Variants in KCNAB2 observed in about 807,000 individuals in gnomAD.
The protein encoded by KCNAB2 is potassium voltage-gated channel subfamily A regulatory beta subunit 2.
KCNAB2 carries 29 observed loss-of-function variants against 63.6 expected under a neutral mutation model. The observed-to-expected ratio is 0.46, with a 90% CI of 0.34 to 0.62. KCNAB2 has a LOEUF of 0.62. Among genes scored for constraint, KCNAB2 ranks in the 20% least tolerant of loss-of-function variants. KCNAB2 has a pLI of 0.01. For missense variants in KCNAB2, 359 were observed against 563.9 expected (o/e 0.64, Z 3.68); for synonymous variants, 222 against 224.2 (o/e 0.99, Z 0.09).
At chr1:6,005,008 A>G (rs59591178) in intron 1 of KCNAB2, among the ~76,000 whole-genome samples, 747 of 66,524 alleles carry the variant, frequency 0.011, 6 homozygotes, top group African/African-American at 0.043. Flanking sequence ...GAGCTGAGCT[A>G]AGGGGTGAGG....
upstream of KCNAB2, among the ~76,000 whole-genome samples, chr1:6,040,894 T>C (rs984126579): frequency 6.6e-6 from 1 of 152,254 alleles, no homozygotes; most frequent in African/African-American, 2.4e-5. Flanking sequence ...CAGAGTAGAC[T>C]CCTTTCTTGT....
chr1:6,019,000 G>A (rs1399542901), intron 1 of KCNAB2, among the ~76,000 whole-genome samples: 1 of 152,198 alleles, frequency 6.6e-6, no homozygotes, highest in African/African-American at 2.4e-5. Context: ...GTTTAAAACT[G>A]TAAAAATTGG....
chr1:6,072,806 TG>T lies in KCNAB2; in HGVS notation c.262+13del. On this transcript the variant is annotated intron_variant, in intron 3 of 15. Transcript: ENST00000378083. ...TCTCCTGCCTGGGACTTGGTGAGTG[TG>T]GGGGTCCCCTCCGTCCCACCAGGGA... The T allele has an allele frequency of 1.9e-6, 3 of 1,613,464 alleles. 1 individual carries two copies. The highest frequency in any genetic ancestry group is 2.2e-5 in the South Asian group (2 of 91,042).
At chr1:6,088,144 CA>C (rs753533376) in intron 7 of KCNAB2, among the ~76,000 whole-genome samples, 1 of 152,050 alleles carries the variant, frequency 6.6e-6, no homozygotes, top group East Asian at 1.9e-4. Context: ...ACTGTAGCTT[CA>C]AACTCCTGGG....
intron 1 of KCNAB2, among the ~76,000 whole-genome samples, chr1:6,017,631 A>G (rs1166273296): frequency 1.2e-4 from 18 of 152,068 alleles, no homozygotes; most frequent in Admixed American, 1.2e-3. Flanking sequence ...CCATTGTAAA[A>G]AATACAAAAA....
intron 2 of KCNAB2, among the ~76,000 whole-genome samples, chr1:6,057,577 T>C (rs922557679): frequency 2.0e-5 from 3 of 152,200 alleles, no homozygotes; most frequent in Non-Finnish European, 4.4e-5. Context: ...GATCCTGTTT[T>C]ACTTTCCTGA....
At chr1:6,061,728 A>G (rs181041351) in intron 2 of KCNAB2, among the ~76,000 whole-genome samples, 1 of 152,356 alleles carries the variant, frequency 6.6e-6, no homozygotes, top group Admixed American at 6.5e-5. Flanking sequence ...AACGGAATAT[A>G]ATGTGCATAA....
intron 1 of KCNAB2, among the ~76,000 whole-genome samples, chr1:6,037,065 A>G (rs777870123): frequency 5.3e-5 from 8 of 151,912 alleles, no homozygotes; most frequent in African/African-American, 7.3e-5. Flanking sequence ...GCCTGCTTAG[A>G]CTCCTGGCCC....
rs549273048 is a variant in KCNAB2 at position 6,037,674 on chromosome 1, T to A, written c.-52-2843T>A. On this transcript the variant is annotated intron_variant, in intron 1 of 15. Coordinates refer to the KCNAB2 transcript ENST00000164247. Reference sequence around the variant, plus strand: ...TTTTTTAACGACTTTAGTGAGATGATTTGATTTCCTGCCTCTGAGTCATCT... The same window carrying A: ...TTTTTTAACGACTTTAGTGAGATGAATTGATTTCCTGCCTCTGAGTCATCT... 2.5e-4 allele frequency among the ~76,000 whole-genome samples: 38 copies of A among 152,276 alleles called. No individual in the cohort carries two copies. The South Asian group carries it at 7.7e-3, about 31-fold the overall frequency.
chr1:6,024,217 C>T lies in KCNAB2; in HGVS notation c.-52-16300C>T, dbSNP rs1280385150. 1.3e-5 allele frequency among the ~76,000 whole-genome samples: 2 copies of T among 152,124 alleles called. No individual in the cohort carries two copies. The highest frequency in any genetic ancestry group is 6.5e-5 in the Admixed American group (1 of 15,274). ...TCGGCCTCCCAAAGTTCTGGGATTACAGGCGTGAGACACCATGCCCAGCTG... is the reference window on the plus strand; with the variant it reads ...TCGGCCTCCCAAAGTTCTGGGATTATAGGCGTGAGACACCATGCCCAGCTG... On this transcript the variant is annotated intron_variant, in intron 1 of 16. Transcript: ENST00000341524. The surrounding 1 kb of genome is among the most constrained non-coding windows in gnomAD (Gnocchi z 5.4).
At chr1:6,017,480 G>C (rs1193632074) in intron 1 of KCNAB2, among the ~76,000 whole-genome samples, 3 of 151,828 alleles carry the variant, frequency 2.0e-5, no homozygotes, top group African/African-American at 7.3e-5. Context: ...TGCTGGGCTG[G>C]TCTAGAATTC....
At chr1:6,044,943 C>T (rs937289856), upstream of KCNAB2, among the ~76,000 whole-genome samples, 5 of 152,142 alleles carry the variant, frequency 3.3e-5, no homozygotes, top group Non-Finnish European at 5.9e-5. Flanking sequence ...GGGCCTCATT[C>T]GGAGCATGTT....
chr1:6,081,171 C>T (rs1664179098), intron 4 of KCNAB2, among the ~76,000 whole-genome samples: 1 of 152,232 alleles, frequency 6.6e-6, no homozygotes, highest in African/African-American at 2.4e-5. Flanking sequence ...GTCTGATGCA[C>T]AGCGCATTTA....
At chr1:6,001,488 T>C (rs1460571057) in intron 1 of KCNAB2, among the ~76,000 whole-genome samples, 1 of 152,132 alleles carries the variant, frequency 6.6e-6, no homozygotes, top group African/African-American at 2.4e-5. Flanking sequence ...CTGATAATCA[T>C]GATCACCGGT....
At chr1:6,089,154 T>A (rs1243781150) in intron 8 of KCNAB2, 103 bp downstream of exon 8, 19 of 1,247,900 alleles carry the variant, frequency 1.5e-5, no homozygotes, top group Admixed American at 2.0e-5. Context: ...GTTAACCCAC[T>A]GAGGGCCCAA....
chr1:6,042,963 C>G (rs1660629488), upstream of KCNAB2, among the ~76,000 whole-genome samples: 1 of 151,554 alleles, frequency 6.6e-6, no homozygotes, highest in African/African-American at 2.4e-5. Context: ...ACAGGGAGCT[C>G]TGAAGACATG....
intron 14 of KCNAB2, 94 bp from the exon 15 acceptor site, chr1:6,097,175 T>A (rs919605538): frequency 3.1e-5 from 42 of 1,363,906 alleles, no homozygotes; most frequent in Non-Finnish European, 3.9e-5. Flanking sequence ...CAGACCAAGA[T>A]GCTGGGTCTC....
At chr1:6,053,864 G>C (rs1310101419) in intron 2 of KCNAB2, among the ~76,000 whole-genome samples, 1 of 151,338 alleles carries the variant, frequency 6.6e-6, no homozygotes, top group Non-Finnish European at 1.5e-5. Flanking sequence ...GTAACATGGC[G>C]AAACCCCATC....
intron 2 of KCNAB2, among the ~76,000 whole-genome samples, chr1:6,059,203 TG>T (rs145336766): frequency 0.018 from 2,778 of 152,190 alleles, 96 homozygotes; most frequent in African/African-American, 0.059. Flanking sequence ...TGTTGTTTTT[TG>T]TGTTGAGACA....
Sources: allele counts gnomAD v4.1 joint callset (sites outside exome capture counted in the v4.1 genomes callset), GRCh38; gene constraint gnomAD v4.1.1; non-coding constraint Gnocchi (gnomAD v3.1); transcripts MANE v1.5; gene names NCBI Gene and HGNC (gene_info 2026-07-23, HGNC 2026-07-21).